CD2AP: variants seen among roughly 807,000 people sequenced by gnomAD.
The protein encoded by CD2AP is CD2 associated protein, also known as CD2-associated protein.
Under a neutral mutation model 85.1 loss-of-function variants are expected in CD2AP, and 46 were observed. The ratio of observed to expected loss-of-function variants is 0.54; its 90% CI spans 0.43 to 0.69. The LOEUF is 0.69. Ranked by LOEUF, CD2AP falls within the 30% of genes least tolerant of loss-of-function variation. The pLI is 0.00. For synonymous variants in CD2AP, 255 were observed against 252.9 expected, an observed-to-expected ratio of 1.01 and a Z score of -0.08; for missense variants, 769 against 729.5, an observed-to-expected ratio of 1.05 and a Z score of -0.62.
At chr6:47,574,336 G>A (rs1019365367) in intron 6 of CD2AP, 85 bp downstream of exon 6, 10 of 1,282,564 alleles carry the variant, frequency 7.8e-6, no homozygotes, top group Admixed American at 1.8e-5. Flanking sequence ...TTGTAACTCT[G>A]TTAGATTTCT....
chr6:47,571,932 C>T (rs1768166986), intron 5 of CD2AP, among the ~76,000 whole-genome samples: 1 of 152,056 alleles, frequency 6.6e-6, no homozygotes, highest in Non-Finnish European at 1.5e-5. Flanking sequence ...TAAAAATTTG[C>T]CAGCACTCGT....
chr6:47,567,421 G>A (rs914583205), intron 5 of CD2AP, among the ~76,000 whole-genome samples: 2 of 152,030 alleles, frequency 1.3e-5, no homozygotes, highest in African/African-American at 4.8e-5. Flanking sequence ...TTTTGTTAAT[G>A]TATTGTACAA....
chr6:47,612,614 G>A, intron 17 of CD2AP, 78 bp downstream of exon 17: 1 of 930,784 alleles, frequency 1.1e-6, no homozygotes, highest in Non-Finnish European at 1.7e-6. Context: ...TGGGTAATCG[G>A]TTCCTGTACA....
chr6:47,501,574 G>A (rs1765998711), intron 1 of CD2AP, among the ~76,000 whole-genome samples: 1 of 151,890 alleles, frequency 6.6e-6, no homozygotes, highest in Non-Finnish European at 1.5e-5. Context: ...ATGTGGGAAT[G>A]GCACTTGGCT....
At chr6:47,624,130 TA>T in intron 17 of CD2AP, 55 bp from the exon 18 acceptor site, 1 of 1,374,278 alleles carries the variant, frequency 7.3e-7, no homozygotes, top group Non-Finnish European at 1.0e-6. Flanking sequence ...TAGAGTAAAA[TA>T]AACTACTAAA....
chr6:47,493,261 G>T (rs549085171), intron 1 of CD2AP, among the ~76,000 whole-genome samples: 126 of 150,708 alleles, frequency 8.4e-4, no homozygotes, highest in African/African-American at 3.0e-3. Flanking sequence ...TGTTGGGTCT[G>T]TTGGCAATGA....
chr6:47,546,420 A>C (rs926053219), intron 4 of CD2AP, among the ~76,000 whole-genome samples: 1 of 152,188 alleles, frequency 6.6e-6, no homozygotes, highest in African/African-American at 2.4e-5. Flanking sequence ...AAGTTTAAAA[A>C]AAAAATTGGG....
At position 47,507,688 on chromosome 6, in the gene CD2AP, G is replaced by T. The variant is rs145098223; in HGVS notation, c.165+4248G>T. ...TCTCAAACTCCTGACCTCGTGATCT[G>T]CCCGCCTTGGCCTCAGAAAATGCAG... On this transcript the variant is annotated intron_variant, in intron 2 of 17. Transcript: ENST00000359314. Among the ~76,000 whole-genome samples, 78 of 152,208 alleles carry T rather than the reference G, an allele frequency of 5.1e-4. 1 individual carries two copies. The highest frequency in any genetic ancestry group is 1.7e-3 in the African/African-American group (72 of 41,536).
chr6:47,583,632 G>T (rs1410965312), intron 11 of CD2AP, among the ~76,000 whole-genome samples: 1 of 152,150 alleles, frequency 6.6e-6, no homozygotes, highest in Non-Finnish European at 1.5e-5. Flanking sequence ...ATATTTCAAT[G>T]TCTTTATATT....
intron 1 of CD2AP, among the ~76,000 whole-genome samples, chr6:47,493,930 A>G (rs1765793526): frequency 6.6e-6 from 1 of 151,996 alleles, no homozygotes; most frequent in South Asian, 2.1e-4. Context: ...TAGAGATTCT[A>G]TGTGCTTACC....
intron 1 of CD2AP, among the ~76,000 whole-genome samples, chr6:47,483,495 A>T (rs1205669258): frequency 6.6e-6 from 1 of 152,150 alleles, no homozygotes; most frequent in Non-Finnish European, 1.5e-5. Context: ...CAGGGTCCAG[A>T]TTTCTTATTG....
At chr6:47,566,149 A>G (rs1215905031) in intron 5 of CD2AP, among the ~76,000 whole-genome samples, 3 of 151,502 alleles carry the variant, frequency 2.0e-5, no homozygotes, top group Admixed American at 2.0e-4. Context: ...AAATCACCTT[A>G]TCAGTGAGGC....
At chr6:47,609,746 C>T (rs946146807) in intron 16 of CD2AP, among the ~76,000 whole-genome samples, 4 of 152,120 alleles carry the variant, frequency 2.6e-5, no homozygotes, top group Admixed American at 2.6e-4. Context: ...AAGAAATTTT[C>T]ATTAACAGTC....
intron 1 of CD2AP, among the ~76,000 whole-genome samples, chr6:47,496,958 C>T (rs1276899789): frequency 6.6e-6 from 1 of 152,114 alleles, no homozygotes; most frequent in Non-Finnish European, 1.5e-5. Flanking sequence ...TGATATTCAT[C>T]CCTTTACTCT....
chr6:47,622,834 A>G (rs1419219465), intron 17 of CD2AP, among the ~76,000 whole-genome samples: 1 of 152,170 alleles, frequency 6.6e-6, no homozygotes, highest in Non-Finnish European at 1.5e-5. Context: ...TGGAGCCGCA[A>G]TCTAGTCTTG....
In CD2AP at chr6:47,579,290, G is replaced by A. The variant is rs9395281; in HGVS notation, c.904-95G>A. 6,400 of 736,192 alleles carry A rather than the reference G, an allele frequency of 8.7e-3. 339 individuals carry two copies. In the Admixed American group the frequency reaches 0.09, roughly 10 times the overall value. 45.6% of individuals were successfully genotyped at this position (736,192 alleles called of 1,614,324 possible). ...GTTGAGGCTGCAGTGAGTCATGATC[G>A]CATCACTGCACTTCAGCCTGGCCAA... On this transcript the variant is annotated intron_variant, in intron 8 of 17. Coordinates refer to ENST00000359314, the MANE Select transcript of CD2AP (RefSeq NM_012120.3).
rs7757703 is a variant in CD2AP, at chr6:47,610,969, G to T, written c.1815-1504G>T. On this transcript the variant is annotated intron_variant, in intron 16 of 17. Coordinates refer to ENST00000359314, the MANE Select transcript of CD2AP (RefSeq NM_012120.3). The stretch of plus-strand genomic sequence containing the variant: ...CTGATTTATATATATATATATATAT[G>T]TATTTTTTTTTTTTTTTGAATATAA... Among the ~76,000 whole-genome samples the T allele has an allele frequency of 1.8e-4, 20 of 114,130 alleles. 1 individual carries two copies. Among genetic ancestry groups the T allele is most frequent in the South Asian group, 2.7e-4 (1 of 3,706 alleles). 74.9% of individuals were successfully genotyped at this position (114,130 alleles called of 152,430 possible).
intron 4 of CD2AP, among the ~76,000 whole-genome samples, chr6:47,546,302 A>G (rs1373860802): frequency 6.6e-6 from 1 of 152,170 alleles, no homozygotes; most frequent in Non-Finnish European, 1.5e-5. Context: ...CAATCCAACA[A>G]AGACAAAGAA....
chr6:47,514,638 G>A (rs888400598), intron 2 of CD2AP, among the ~76,000 whole-genome samples: 3 of 152,132 alleles, frequency 2.0e-5, no homozygotes, highest in African/African-American at 7.2e-5. Flanking sequence ...ATTTTATTGG[G>A]GGAAATAACA....
Sources: gnomAD v4.1 joint callset for allele counts (sites outside exome capture counted in the v4.1 genomes callset) on GRCh38, gnomAD v4.1.1 for gene constraint, MANE v1.5 for transcripts, NCBI Gene and HGNC (gene_info 2026-07-23, HGNC 2026-07-21) for gene names.